Variants in PDE10A observed in about 807,000 individuals in gnomAD.
PDE10A encodes cAMP and cAMP-inhibited cGMP 3',5'-cyclic phosphodiesterase 10A.
A neutral mutation model predicts 97.7 loss-of-function variants in PDE10A; 39 were observed. That is an observed-to-expected ratio of 0.40 (90% CI 0.31 to 0.52). The LOEUF (loss-of-function observed/expected upper bound fraction) is 0.52. Ranked by LOEUF, PDE10A falls within the 20% of genes least tolerant of loss-of-function variation. The pLI, the probability that PDE10A is intolerant of heterozygous loss-of-function variation, is 0.56. For missense variants in PDE10A, 731 were observed against 1,047.8 expected (o/e 0.70, Z 4.17); for synonymous variants, 371 against 376.8 (o/e 0.98, Z 0.18).
intron 3 of PDE10A, among the ~76,000 whole-genome samples, chr6:165,462,418 C>T (rs1471597837): frequency 2.0e-5 from 3 of 152,208 alleles, no homozygotes; most frequent in Middle Eastern, 3.4e-3. Context: ...TGGAGAGATC[C>T]AATAACAAAA....
intron 2 of PDE10A, among the ~76,000 whole-genome samples, chr6:165,485,914 C>T (rs550728290): frequency 6.6e-6 from 1 of 152,304 alleles, no homozygotes; most frequent in South Asian, 2.1e-4. Flanking sequence ...CTCTTAGTGG[C>T]TAACTGCGTT....
intron 2 of PDE10A, among the ~76,000 whole-genome samples, chr6:165,530,269 A>G (rs1479748577): frequency 2.7e-5 from 4 of 148,150 alleles, no homozygotes; most frequent in East Asian, 2.0e-4. Context: ...CTCTTTATAT[A>G]TGTGTGTGTG....
chr6:165,951,138 G>T (rs1385893786), intron 1 of PDE10A, among the ~76,000 whole-genome samples: 1 of 152,188 alleles, frequency 6.6e-6, no homozygotes, highest in Non-Finnish European at 1.5e-5. Flanking sequence ...GATGTCAGCT[G>T]GGGAGGGATC....
intron 16 of PDE10A, among the ~76,000 whole-genome samples, chr6:165,391,759 C>T (rs972695045): frequency 2.6e-5 from 4 of 151,980 alleles, no homozygotes; most frequent in East Asian, 1.9e-4. Flanking sequence ...TTGAGTTTTC[C>T]ACTCAGATTG....
At chr6:165,346,601 G>A (rs1782325984) in intron 18 of PDE10A, among the ~76,000 whole-genome samples, 1 of 152,088 alleles carries the variant, frequency 6.6e-6, no homozygotes, top group Admixed American at 6.6e-5. Context: ...CACATCAGAA[G>A]ATCATGGAAT....
At chr6:165,389,344 G>C (rs1332018343) in intron 16 of PDE10A, among the ~76,000 whole-genome samples, 1 of 152,188 alleles carries the variant, frequency 6.6e-6, no homozygotes, top group African/African-American at 2.4e-5. Context: ...AGTAATTGAG[G>C]CAAAATGTAA....
chr6:165,508,522 C>T (rs1276465468), intron 2 of PDE10A, among the ~76,000 whole-genome samples: 1 of 152,002 alleles, frequency 6.6e-6, no homozygotes, highest in Non-Finnish European at 1.5e-5. Flanking sequence ...ACAACACAGG[C>T]TTTCATTTAT....
intron 1 of PDE10A, among the ~76,000 whole-genome samples, chr6:165,622,758 A>G (rs1044990016): frequency 4.6e-5 from 7 of 152,184 alleles, no homozygotes; most frequent in African/African-American, 1.2e-4. Flanking sequence ...TTTATAATCA[A>G]TTTAGATGCC....
At chr6:165,439,549 C>A (rs942869729) in intron 5 of PDE10A, among the ~76,000 whole-genome samples, 1 of 152,142 alleles carries the variant, frequency 6.6e-6, no homozygotes, top group Non-Finnish European at 1.5e-5. Context: ...CAACTAGCAT[C>A]GATGAGATTG....
intron 1 of PDE10A, among the ~76,000 whole-genome samples, chr6:165,601,262 C>G (rs1400439795): frequency 6.6e-6 from 1 of 152,130 alleles, no homozygotes; most frequent in Non-Finnish European, 1.5e-5. Context: ...ACTGAAAGTC[C>G]AATTAAACCT....
chr6:165,783,945 C>T (rs964039550), intron 1 of PDE10A, among the ~76,000 whole-genome samples: 8 of 152,064 alleles, frequency 5.3e-5, no homozygotes, highest in Admixed American at 2.6e-4. Flanking sequence ...CTTGGCCGGG[C>T]GCGGTGGCTC....
At chr6:165,846,293 A>G (rs1198345964) in intron 1 of PDE10A, among the ~76,000 whole-genome samples, 1 of 152,238 alleles carries the variant, frequency 6.6e-6, no homozygotes, top group East Asian at 1.9e-4. Context: ...CCAAGTTTCC[A>G]GAGAAGCCTG....
intron 1 of PDE10A, among the ~76,000 whole-genome samples, chr6:165,806,656 C>CA (rs200468205): frequency 9.9e-5 from 15 of 151,430 alleles, no homozygotes; most frequent in South Asian, 2.2e-4. Flanking sequence ...AGCGCCCCCC[C>CA]CCAGGCTCTT....
Position 165,371,510 on chromosome 6 carries a change from C to T in PDE10A, c.2783+7684G>A, listed in dbSNP as rs570504985. On this transcript the variant is annotated intron_variant, in intron 18 of 21. Coordinates refer to ENST00000539869, the MANE Select transcript of PDE10A (RefSeq NM_001385079.1). ...GGATAAATTCCTCGACACATACACT[C>T]TCCCAAGACTAAACCAGGAAGAAGT... Among the ~76,000 whole-genome samples, 389 of 152,058 alleles carry T rather than the reference C, an allele frequency of 2.6e-3. 5 individuals carry two copies. Among genetic ancestry groups the T allele is most frequent in the East Asian group, 9.7e-4 (5 of 5,154 alleles).
intron 1 of PDE10A, among the ~76,000 whole-genome samples, chr6:165,744,867 A>C (rs1230126965): frequency 6.7e-6 from 1 of 149,100 alleles, no homozygotes; most frequent in Non-Finnish European, 1.5e-5. Flanking sequence ...AAAAAAAAAA[A>C]TTCTGAGTTA....
chr6:165,727,730 A>T (rs927886777), intron 1 of PDE10A, among the ~76,000 whole-genome samples: 3 of 152,216 alleles, frequency 2.0e-5, no homozygotes, highest in Admixed American at 1.3e-4. Context: ...CAATCACTTG[A>T]TTCATTGCAA....
intron 1 of PDE10A, among the ~76,000 whole-genome samples, chr6:165,931,910 G>A (rs553738039): frequency 5.4e-4 from 82 of 152,278 alleles, no homozygotes; most frequent in Non-Finnish European, 1.0e-3. Context: ...CAGAGGTTGA[G>A]CTGGACCACC....
intron 1 of PDE10A, among the ~76,000 whole-genome samples, chr6:165,874,493 C>T (rs1262531744): frequency 6.6e-6 from 1 of 152,048 alleles, no homozygotes. Context: ...TTCTCCTGTG[C>T]AATATAAGAA....
intron 2 of PDE10A, among the ~76,000 whole-genome samples, chr6:165,517,676 G>A (rs9365887): frequency 0.92 from 139,381 of 152,190 alleles, 64,041 homozygotes; most frequent in East Asian, 1. Flanking sequence ...GGAAAACACA[G>A]AACTATAGTG....
Sources: gnomAD v4.1 joint callset for allele counts (sites outside exome capture counted in the v4.1 genomes callset) on GRCh38, gnomAD v4.1.1 for gene constraint, MANE v1.5 for transcripts, NCBI Gene and HGNC (gene_info 2026-07-23, HGNC 2026-07-21) for gene names.